Variants in SEMA3D observed in about 807,000 individuals in gnomAD.
SEMA3D encodes the protein semaphorin-3D.
Under a neutral mutation model 100.1 loss-of-function variants are expected in SEMA3D, and 84 were observed. The observed-to-expected ratio is 0.84, with a 90% CI of 0.70 to 1.01. The LOEUF is 1.01. Among genes scored for constraint, SEMA3D ranks in the 50% least tolerant of loss-of-function variants. The pLI is 0.00. For missense variants in SEMA3D, 875 were observed against 934.1 expected (o/e 0.94, Z 0.82); for synonymous variants, 312 against 320.7 (o/e 0.97, Z 0.29).
intron 4 of SEMA3D, among the ~76,000 whole-genome samples, chr7:85,089,613 C>T (rs1471506055): frequency 6.6e-6 from 1 of 152,112 alleles, no homozygotes; most frequent in East Asian, 1.9e-4. Context: ...GGTGCCATGG[C>T]TCATGCCCTG....
At chr7:85,127,779 T>A (rs1173174738) in intron 2 of SEMA3D, among the ~76,000 whole-genome samples, 1 of 152,176 alleles carries the variant, frequency 6.6e-6, no homozygotes, top group Non-Finnish European at 1.5e-5. Flanking sequence ...TCATCAGAGT[T>A]GACCTTTCTT....
rs192526128 is a variant in SEMA3D at position 85,066,942 on chromosome 7, A to G, written c.589+1249T>C. ...GAGAGAGAGAGAGAGAGAGAGAGAG[A>G]GAGAACTCCAGCTATGTAAAGTAGA... On this transcript the variant is annotated intron_variant, in intron 7 of 18. Coordinates refer to ENST00000284136, the MANE Select transcript of SEMA3D (RefSeq NM_001384900.1). Among the ~76,000 whole-genome samples, 475 of 151,614 alleles carry G rather than the reference A, an allele frequency of 3.1e-3. 1 individual carries two copies. The highest frequency in any genetic ancestry group is 6.9e-3 in the Admixed American group (105 of 15,186).
intron 1 of SEMA3D, among the ~76,000 whole-genome samples, chr7:85,158,849 T>G (rs996125040): frequency 1.3e-5 from 2 of 152,120 alleles, no homozygotes; most frequent in Non-Finnish European, 2.9e-5. Flanking sequence ...GAAAAGAACA[T>G]ACATGAAATA....
At chr7:85,150,368 T>A (rs1177950475) in intron 2 of SEMA3D, among the ~76,000 whole-genome samples, 9 of 130,038 alleles carry the variant, frequency 6.9e-5, no homozygotes, top group Non-Finnish European at 9.8e-5. Flanking sequence ...TATATATATA[T>A]TATATATATA....
At chr7:85,234,163 G>C in the SEMA3D span, among the ~76,000 whole-genome samples, 2 of 152,130 alleles carry the variant, frequency 1.3e-5, no homozygotes, top group African/African-American at 4.8e-5. Context: ...AGCTTTTCAG[G>C]GTTTTGGAAG....
chr7:85,181,817 C>T, intron 1 of SEMA3D: 1 of 936,662 alleles, frequency 1.1e-6, no homozygotes, highest in African/African-American at 1.8e-5. Flanking sequence ...TGGTTGATGG[C>T]TGTTAAAATT....
At chr7:85,229,814 T>C in the SEMA3D span, among the ~76,000 whole-genome samples, 1 of 152,182 alleles carries the variant, frequency 6.6e-6, no homozygotes, top group Non-Finnish European at 1.5e-5. Flanking sequence ...TCATTCTTCA[T>C]TCTGTCTCAA....
intron 1 of SEMA3D, among the ~76,000 whole-genome samples, chr7:85,183,983 C>CT (rs377003247): frequency 8.9e-4 from 132 of 149,146 alleles, no homozygotes; most frequent in Middle Eastern, 3.5e-3. Flanking sequence ...AATTCTTTTT[C>CT]TTTTTTTTTT....
chr7:85,109,287 C>A (rs998557217), intron 3 of SEMA3D, among the ~76,000 whole-genome samples: 1 of 151,984 alleles, frequency 6.6e-6, no homozygotes. Context: ...ACAGAAAGAG[C>A]TCAAACCTAT....
At chr7:85,090,416 G>A (rs936445241) in intron 4 of SEMA3D, among the ~76,000 whole-genome samples, 1 of 152,052 alleles carries the variant, frequency 6.6e-6, no homozygotes, top group African/African-American at 2.4e-5. Flanking sequence ...GCATATGCTC[G>A]GCAGGCAATG....
chr7:85,146,696 G>C (rs923093828), intron 2 of SEMA3D, among the ~76,000 whole-genome samples: 1 of 151,958 alleles, frequency 6.6e-6, no homozygotes, highest in African/African-American at 2.4e-5. Context: ...AAGAAATGGA[G>C]AAATAAGACA....
At chr7:85,029,770 A>G (rs1044142497) in intron 12 of SEMA3D, 5 of 237,572 alleles carry the variant, frequency 2.1e-5, no homozygotes, top group African/African-American at 1.1e-4. Context: ...ATCAAATTCT[A>G]TGGCAGTTTT....
the SEMA3D span, among the ~76,000 whole-genome samples, chr7:85,207,985 T>C: frequency 1.3e-5 from 2 of 152,058 alleles, no homozygotes; most frequent in African/African-American, 4.8e-5. Context: ...TCAGATGATA[T>C]TGAACATGTC....
At chr7:85,222,265 T>TA in the SEMA3D span, among the ~76,000 whole-genome samples, 1 of 151,534 alleles carries the variant, frequency 6.6e-6, no homozygotes, top group African/African-American at 2.4e-5. Flanking sequence ...TAGCTAAAGG[T>TA]AAAATTGGAA....
intron 7 of SEMA3D, among the ~76,000 whole-genome samples, chr7:85,066,632 A>G (rs1297462890): frequency 6.6e-6 from 1 of 152,102 alleles, no homozygotes; most frequent in Non-Finnish European, 1.5e-5. Context: ...TACATTTAAT[A>G]GAACAATGTA....
intron 1 of SEMA3D, among the ~76,000 whole-genome samples, chr7:85,176,548 C>T (rs1377719239): frequency 2.0e-5 from 3 of 152,092 alleles, no homozygotes; most frequent in African/African-American, 7.2e-5. Context: ...AACTGTGAAG[C>T]ACAGAATCAG....
At chr7:85,001,778 A>C (rs1789661638) in intron 18 of SEMA3D, among the ~76,000 whole-genome samples, 1 of 152,158 alleles carries the variant, frequency 6.6e-6, no homozygotes, top group East Asian at 1.9e-4. Context: ...ATTACATACT[A>C]CTGCCATGCT....
At chr7:85,108,268 C>G (rs1234560429) in intron 3 of SEMA3D, among the ~76,000 whole-genome samples, 2 of 152,028 alleles carry the variant, frequency 1.3e-5, no homozygotes, top group Admixed American at 1.3e-4. Context: ...CTTTAACTCA[C>G]AGTATTTTAA....
intron 1 of SEMA3D, chr7:85,181,595 G>A (rs969479750): frequency 2.0e-5 from 3 of 153,236 alleles, no homozygotes; most frequent in Non-Finnish European, 2.9e-5. Context: ...TTCAAGTAAT[G>A]TATGTAGCTA....
Sources: gnomAD v4.1 joint callset for allele counts (sites outside exome capture counted in the v4.1 genomes callset) on GRCh38, gnomAD v4.1.1 for gene constraint, MANE v1.5 for transcripts, NCBI Gene and HGNC (gene_info 2026-07-23, HGNC 2026-07-21) for gene names.